MAGI2: variants seen among roughly 807,000 people sequenced by gnomAD.
MAGI2 encodes the protein membrane associated guanylate kinase, WW and PDZ domain containing 2.
A neutral mutation model predicts 133.3 loss-of-function variants in MAGI2; 35 were observed. That is an observed-to-expected ratio of 0.26 (90% CI 0.20 to 0.35). The LOEUF (loss-of-function observed/expected upper bound fraction) is 0.35. Among genes scored for constraint, MAGI2 ranks in the 10% least tolerant of loss-of-function variants. The probability of loss-of-function intolerance (pLI) is 1.00; values close to 1 mark genes in which losing one functional copy is unlikely to be tolerated. For synonymous variants in MAGI2, 729 were observed against 710.6 expected (o/e 1.03, Z -0.41); for missense variants, 1,636 against 1,863.4 (o/e 0.88, Z 2.25).
chr7:78,892,135 T>G, intron 2 of MAGI2, among the ~76,000 whole-genome samples: 1 of 152,104 alleles, frequency 6.6e-6, no homozygotes, highest in Non-Finnish European at 1.5e-5. Flanking sequence ...CACAATTGCT[T>G]CATAGATAAT....
intron 2 of MAGI2, among the ~76,000 whole-genome samples, chr7:78,847,710 C>T (rs1792746738): frequency 6.6e-6 from 1 of 151,958 alleles, no homozygotes; most frequent in African/African-American, 2.4e-5. Flanking sequence ...TTTACAAAGG[C>T]CTTTCCTGAT....
intron 2 of MAGI2, among the ~76,000 whole-genome samples, chr7:78,812,838 GT>G (rs1244441745): frequency 2.6e-5 from 4 of 152,086 alleles, no homozygotes; most frequent in Non-Finnish European, 5.9e-5. Context: ...CTTGGATGTG[GT>G]TTTAGGAACA....
intron 6 of MAGI2, among the ~76,000 whole-genome samples, chr7:78,429,083 A>C (rs1387686782): frequency 2.6e-4 from 40 of 152,188 alleles, no homozygotes; most frequent in Admixed American, 2.6e-3. Context: ...CAAATAAAAG[A>C]CGTGAACTTT....
At chr7:78,468,168 A>G (rs535543816) in intron 6 of MAGI2, among the ~76,000 whole-genome samples, 5 of 152,324 alleles carry the variant, frequency 3.3e-5, no homozygotes, top group South Asian at 2.1e-4. Flanking sequence ...TTGTAAAATG[A>G]CAATTATAAT....
At chr7:78,115,544 T>C (rs1314541357) in intron 20 of MAGI2, among the ~76,000 whole-genome samples, 1 of 152,204 alleles carries the variant, frequency 6.6e-6, no homozygotes, top group African/African-American at 2.4e-5. Context: ...AGCATGCTTA[T>C]AATAATATCA....
At chr7:78,237,312 T>A (rs1790655273) in intron 10 of MAGI2, among the ~76,000 whole-genome samples, 1 of 152,218 alleles carries the variant, frequency 6.6e-6, no homozygotes, top group Non-Finnish European at 1.5e-5. Flanking sequence ...GTTATTTTAT[T>A]TTTACATTTT....
At chr7:78,041,790 C>G (rs575523870) in intron 21 of MAGI2, among the ~76,000 whole-genome samples, 3 of 152,310 alleles carry the variant, frequency 2.0e-5, no homozygotes, top group African/African-American at 7.2e-5. Context: ...CTGCTCTGTC[C>G]TCTGAGTGAA....
At chr7:79,063,336 G>T (rs534642893) in intron 1 of MAGI2, among the ~76,000 whole-genome samples, 1 of 152,180 alleles carries the variant, frequency 6.6e-6, no homozygotes, top group South Asian at 2.1e-4. Context: ...AATAAAATAT[G>T]CAGTCTCATC....
At chr7:79,289,082 A>G (rs898745737) in intron 1 of MAGI2, among the ~76,000 whole-genome samples, 1 of 152,164 alleles carries the variant, frequency 6.6e-6, no homozygotes, top group African/African-American at 2.4e-5. Context: ...CACTGTTTCT[A>G]AACTGTCCAA....
At chr7:79,167,397 C>CAAA (rs10542271) in intron 1 of MAGI2, among the ~76,000 whole-genome samples, 65 of 84,718 alleles carry the variant, frequency 7.7e-4, no homozygotes, top group South Asian at 1.5e-3. Context: ...CCAAAAATGG[C>CAAA]AAAAAAAAAA....
chr7:78,864,966 C>G (rs534850276), intron 2 of MAGI2, among the ~76,000 whole-genome samples: 1 of 152,090 alleles, frequency 6.6e-6, no homozygotes, highest in African/African-American at 2.4e-5. Context: ...CCCAGGAACG[C>G]GCAACTAGTT....
At chr7:78,432,875 G>A (rs1001421156) in intron 6 of MAGI2, among the ~76,000 whole-genome samples, 1 of 151,870 alleles carries the variant, frequency 6.6e-6, no homozygotes, top group East Asian at 1.9e-4. Context: ...ACTAGCCAGG[G>A]GGTAAAGTAT....
At chr7:79,078,054 G>C (rs927071528) in intron 1 of MAGI2, among the ~76,000 whole-genome samples, 2 of 152,216 alleles carry the variant, frequency 1.3e-5, no homozygotes, top group Non-Finnish European at 2.9e-5. Context: ...AGCAATGTAT[G>C]AAGATGTATT....
At chr7:78,162,925 T>C (rs908198916) in intron 15 of MAGI2, among the ~76,000 whole-genome samples, 3 of 152,150 alleles carry the variant, frequency 2.0e-5, no homozygotes, top group African/African-American at 7.2e-5. Context: ...TTTCCAATGG[T>C]CTTTCCTACT....
chr7:78,733,787 G>A (rs1466713241), intron 2 of MAGI2, among the ~76,000 whole-genome samples: 1 of 152,116 alleles, frequency 6.6e-6, no homozygotes, highest in Non-Finnish European at 1.5e-5. Context: ...CTCAGTATTT[G>A]TGACTATAAG....
At chr7:78,515,917 G>T (rs1563110035) in intron 4 of MAGI2, among the ~76,000 whole-genome samples, 2 of 151,844 alleles carry the variant, frequency 1.3e-5, no homozygotes, top group Non-Finnish European at 2.9e-5. Context: ...AAAGGTCCTT[G>T]TTCTAATAAT....
intron 10 of MAGI2, among the ~76,000 whole-genome samples, chr7:78,223,152 G>A (rs1332908266): frequency 2.0e-5 from 3 of 152,070 alleles, no homozygotes; most frequent in African/African-American, 4.8e-5. Context: ...TATCACACCT[G>A]GGCTTTCATC....
At chr7:78,124,061 A>G (rs1820725006) in intron 20 of MAGI2, among the ~76,000 whole-genome samples, 1 of 152,224 alleles carries the variant, frequency 6.6e-6, no homozygotes, top group East Asian at 1.9e-4. Context: ...GTGAAAATAC[A>G]TGGCCACTGT....
chr7:78,370,144 A>T (rs1793777205), intron 6 of MAGI2, among the ~76,000 whole-genome samples: 1 of 152,110 alleles, frequency 6.6e-6, no homozygotes. Context: ...ATCAAAAGAA[A>T]ACTGGAATTA....
Sources: gnomAD v4.1 joint callset for allele counts (sites outside exome capture counted in the v4.1 genomes callset) on GRCh38, gnomAD v4.1.1 for gene constraint, MANE v1.5 for transcripts, NCBI Gene and HGNC (gene_info 2026-07-23, HGNC 2026-07-21) for gene names.